The following GABRB2 variants were observed in gnomAD, a reference collection of about 807,000 sequenced individuals.
GABRB2 encodes the protein gamma-aminobutyric acid receptor subunit beta-2.
In GABRB2, 16 loss-of-function variants were observed where a neutral mutation model predicts 54.7. The ratio of observed to expected loss-of-function variants is 0.29; its 90% CI spans 0.20 to 0.44. The LOEUF is 0.44. Ranked by LOEUF, GABRB2 falls within the 20% of genes least tolerant of loss-of-function variation. The pLI, the probability that GABRB2 is intolerant of heterozygous loss-of-function variation, is 1.00. For synonymous variants in GABRB2, 244 were observed against 233.8 expected (o/e 1.04, Z -0.40); for missense variants, 355 against 644.0 (o/e 0.55, Z 4.86).
intron 9 of GABRB2, among the ~76,000 whole-genome samples, chr5:161,307,484 T>A (rs1222901958): frequency 2.6e-5 from 4 of 152,168 alleles, no homozygotes; most frequent in East Asian, 3.8e-4. Context: ...TTCTTAAGTG[T>A]TGAGGACATG....
intron 3 of GABRB2, among the ~76,000 whole-genome samples, chr5:161,533,378 T>A (rs1215215693): frequency 6.6e-6 from 1 of 152,164 alleles, no homozygotes; most frequent in Non-Finnish European, 1.5e-5. Context: ...TTGTTCTCTT[T>A]TAACAGTCTG....
chr5:161,433,445 C>T (rs994767536), intron 4 of GABRB2, among the ~76,000 whole-genome samples: 2 of 121,850 alleles, frequency 1.6e-5, no homozygotes, highest in African/African-American at 5.7e-5. Context: ...ACTAAAAATA[C>T]AAAAAAAAAA....
chr5:161,393,158 A>G (rs71605492), intron 5 of GABRB2, among the ~76,000 whole-genome samples: 1 of 151,846 alleles, frequency 6.6e-6, no homozygotes, highest in African/African-American at 2.4e-5. Flanking sequence ...AAATCACAGG[A>G]TACCTGATTT....
At chr5:161,528,809 A>G (rs896467681) in intron 3 of GABRB2, among the ~76,000 whole-genome samples, 2 of 151,898 alleles carry the variant, frequency 1.3e-5, no homozygotes, top group Non-Finnish European at 2.9e-5. Context: ...AAAATAGATT[A>G]GAAACTTTTT....
At chr5:161,306,529 A>C (rs1757695693) in intron 9 of GABRB2, among the ~76,000 whole-genome samples, 1 of 152,250 alleles carries the variant, frequency 6.6e-6, no homozygotes. Flanking sequence ...CAGTGAACAC[A>C]GAACAAAAGG....
intron 5 of GABRB2, among the ~76,000 whole-genome samples, chr5:161,396,158 TA>T (rs1383613234): frequency 6.6e-6 from 1 of 152,144 alleles, no homozygotes; most frequent in Non-Finnish European, 1.5e-5. Context: ...CCAAAAAGCT[TA>T]AAATACCAGA....
intron 3 of GABRB2, among the ~76,000 whole-genome samples, chr5:161,477,652 T>C (rs1025645577): frequency 3.9e-5 from 6 of 151,914 alleles, no homozygotes; most frequent in African/African-American, 9.7e-5. Context: ...TTCTGACACA[T>C]GCTATGACAT....
chr5:161,341,089 C>T (rs771988942), intron 5 of GABRB2, among the ~76,000 whole-genome samples: 71 of 151,938 alleles, frequency 4.7e-4, no homozygotes, highest in South Asian at 1.0e-3. Context: ...GAAAGAGCAA[C>T]GAGCTCCATG....
intron 5 of GABRB2, among the ~76,000 whole-genome samples, chr5:161,352,824 T>C (rs1456564190): frequency 1.3e-5 from 2 of 152,028 alleles, no homozygotes; most frequent in Non-Finnish European, 2.9e-5. Context: ...ATATATATAA[T>C]TTTTGTCAAG....
intron 3 of GABRB2, among the ~76,000 whole-genome samples, chr5:161,472,008 C>A (rs1758454591): frequency 1.3e-5 from 2 of 151,794 alleles, no homozygotes; most frequent in Middle Eastern, 3.4e-3. Flanking sequence ...TGCTGTGAGA[C>A]CTTTGGCATG....
intron 4 of GABRB2, among the ~76,000 whole-genome samples, chr5:161,413,126 CTT>C (rs200639439): frequency 6.6e-6 from 1 of 152,042 alleles, no homozygotes; most frequent in Non-Finnish European, 1.5e-5. Context: ...AGGGCACAGA[CTT>C]TGTTCTATTT....
chr5:161,510,991 A>G (rs747538859), intron 3 of GABRB2, among the ~76,000 whole-genome samples: 1 of 152,014 alleles, frequency 6.6e-6, no homozygotes, highest in Non-Finnish European at 1.5e-5. Context: ...AGTAACAATC[A>G]TAACACCAAC....
intron 4 of GABRB2, among the ~76,000 whole-genome samples, chr5:161,412,171 C>G (rs1416296520): frequency 6.6e-6 from 1 of 152,088 alleles, no homozygotes; most frequent in Non-Finnish European, 1.5e-5. Context: ...AAACCGTAAC[C>G]CAGGTAGACT....
chr5:161,503,609 G>C (rs930240764), intron 3 of GABRB2, among the ~76,000 whole-genome samples: 2 of 150,980 alleles, frequency 1.3e-5, no homozygotes, highest in African/African-American at 4.9e-5. Flanking sequence ...TCGGGAGACT[G>C]AGAGCAGAAG....
chr5:161,299,287 G>A (rs578185209), intron 9 of GABRB2, among the ~76,000 whole-genome samples: 103 of 152,304 alleles, frequency 6.8e-4, no homozygotes, highest in African/African-American at 2.4e-3. Flanking sequence ...TGCTGTGGGT[G>A]TAGGCCAATC....
At chr5:161,397,787 A>G (rs1434915215) in intron 5 of GABRB2, among the ~76,000 whole-genome samples, 1 of 152,154 alleles carries the variant, frequency 6.6e-6, no homozygotes, top group African/African-American at 2.4e-5. Context: ...AGTATATTTT[A>G]AATGTAGTTG....
intron 5 of GABRB2, among the ~76,000 whole-genome samples, chr5:161,377,392 T>G (rs913339319): frequency 2.6e-5 from 4 of 152,266 alleles, no homozygotes; most frequent in African/African-American, 9.6e-5. Flanking sequence ...CTTTTCATTT[T>G]TATAGAGAAT....
chr5:161,447,378 T>A (rs925699731), intron 4 of GABRB2, among the ~76,000 whole-genome samples: 1 of 152,194 alleles, frequency 6.6e-6, no homozygotes, highest in African/African-American at 2.4e-5. Flanking sequence ...TTTATCCTGG[T>A]CTTTTCAATA....
chr5:161,341,374 A>AAAC (rs1754151809), intron 5 of GABRB2, among the ~76,000 whole-genome samples: 1 of 152,008 alleles, frequency 6.6e-6, no homozygotes, highest in African/African-American at 2.4e-5. Flanking sequence ...ACTGCAAATT[A>AAAC]AACTCATCAT....
Sources: allele counts gnomAD v4.1 joint callset (sites outside exome capture counted in the v4.1 genomes callset), GRCh38; gene constraint gnomAD v4.1.1; transcripts MANE v1.5; gene names NCBI Gene and HGNC (gene_info 2026-07-23, HGNC 2026-07-21).